GPATCH2L: variants seen among roughly 807,000 people sequenced by gnomAD.
The protein encoded by GPATCH2L is G-patch domain containing 2 like.
GPATCH2L carries 31 observed loss-of-function variants against 57.4 expected under a neutral mutation model. The ratio of observed to expected loss-of-function variants is 0.54; its 90% CI spans 0.41 to 0.73. GPATCH2L has a LOEUF of 0.73. GPATCH2L is among the 30% of genes least tolerant of loss of function. The pLI, the probability that GPATCH2L is intolerant of heterozygous loss-of-function variation, is 0.00. For synonymous variants in GPATCH2L, 199 were observed against 210.7 expected, an observed-to-expected ratio of 0.94 and a Z score of 0.48; for missense variants, 481 against 599.9, an observed-to-expected ratio of 0.80 and a Z score of 2.07.
Position 76,155,011 on chromosome 14 carries a change from G to A in GPATCH2L, c.648G>A (p.Glu216=). The A allele has an allele frequency of 1.2e-6, 2 of 1,610,226 alleles. No individual in the cohort carries two copies. Among genetic ancestry groups the A allele is most frequent in the Non-Finnish European group, 1.7e-6 (2 of 1,178,926 alleles). Residue 216 remains glutamate, a synonymous_variant, in exon 2 of 10, where the codon GAG becomes GAA. Coordinates refer to ENST00000261530, the MANE Select transcript of GPATCH2L (RefSeq NM_017926.4). ...ETDEQKQGSD[E]NMSECETSSV... is the part of the protein sequence containing the mutation. ...ATGAACAAAAACAGGGCTCTGATGA[G>A]AACATGTCAGAATGGTGAGATCTCC... is the stretch of plus-strand genomic sequence containing the variant.
chr14:76,212,365 A>G lies in GPATCH2L; in HGVS notation c.*10514A>G, dbSNP rs947522394. 1 of 151,956 alleles carries G rather than the reference A, an allele frequency of 6.6e-6. No individual in the cohort carries two copies. The highest frequency in any genetic ancestry group is 2.4e-5 in the African/African-American group (1 of 41,418). 9.4% of individuals were successfully genotyped at this position (151,956 alleles called of 1,614,324 possible). A position where few individuals can be genotyped will look rare whatever the true frequency, so the allele number is the denominator to read the frequency against. Reference sequence around the variant, plus strand: ...AACAAGAAAATGAGTTGTAGTCTGCATATCAGGCAAGGTTGAACTTAGGGA... The same window carrying G: ...AACAAGAAAATGAGTTGTAGTCTGCGTATCAGGCAAGGTTGAACTTAGGGA... On this transcript the variant is annotated 3_prime_UTR_variant, in exon 10 of 10. Transcript: ENST00000261530.
chr14:76,187,166 A>G (rs1470677972), intron 8 of GPATCH2L, among the ~76,000 whole-genome samples: 1 of 152,036 alleles, frequency 6.6e-6, no homozygotes, highest in Non-Finnish European at 1.5e-5. Flanking sequence ...CACATGTGAG[A>G]AAGGAGTCTC....
chr14:76,191,089 G>A (rs994380741), intron 8 of GPATCH2L, among the ~76,000 whole-genome samples: 5 of 152,068 alleles, frequency 3.3e-5, no homozygotes, highest in African/African-American at 1.2e-4. Flanking sequence ...CTTGTAGGGA[G>A]GGTCTCTGTG....
chr14:76,198,813 C>T (rs1474892924), intron 9 of GPATCH2L, among the ~76,000 whole-genome samples: 2 of 152,310 alleles, frequency 1.3e-5, no homozygotes, highest in East Asian at 1.9e-4. Flanking sequence ...TTGTTCACTA[C>T]TGTACCCCTA....
At chr14:76,171,135 A>G (rs1427029305) in intron 3 of GPATCH2L, among the ~76,000 whole-genome samples, 1 of 152,200 alleles carries the variant, frequency 6.6e-6, no homozygotes, top group African/African-American at 2.4e-5. Flanking sequence ...AAGGACCAGA[A>G]CAATGCCTTG....
chr14:76,177,495 T>G (rs1051569908), intron 6 of GPATCH2L, among the ~76,000 whole-genome samples: 1 of 151,812 alleles, frequency 6.6e-6, no homozygotes, highest in Non-Finnish European at 1.5e-5. Flanking sequence ...TCATGGTCAG[T>G]ACCCAGTTAT....
chr14:76,200,164 G>A (rs12892797), intron 9 of GPATCH2L, among the ~76,000 whole-genome samples: 6 of 152,152 alleles, frequency 3.9e-5, no homozygotes, highest in African/African-American at 1.4e-4. Context: ...CCAGGGGCTA[G>A]GGGAAGAGGG....
At chr14:76,169,065 C>T (rs965705658) in intron 3 of GPATCH2L, among the ~76,000 whole-genome samples, 2 of 152,226 alleles carry the variant, frequency 1.3e-5, no homozygotes, top group African/African-American at 2.4e-5. Context: ...GCTTCACTAT[C>T]CCCTTGTGGG....
chr14:76,153,268 C>T (rs1183376738), intron 1 of GPATCH2L, among the ~76,000 whole-genome samples: 2 of 152,226 alleles, frequency 1.3e-5, no homozygotes, highest in African/African-American at 2.4e-5. Flanking sequence ...TCTTGAAATA[C>T]TTTGGGCATA....
At chr14:76,214,866 G>T (rs2040478923), downstream of GPATCH2L, among the ~76,000 whole-genome samples, 1 of 152,026 alleles carries the variant, frequency 6.6e-6, no homozygotes, top group African/African-American at 2.4e-5. Context: ...GCATGGGAAA[G>T]GTTTTTTTTT....
rs182907416 is a variant in GPATCH2L, at chr14:76,178,304, T to C, written c.1107+262T>C. 3 of 1,370,898 alleles carry C rather than the reference T, an allele frequency of 2.2e-6. No homozygotes were observed. The Admixed American group carries it at 6.5e-5, about 30-fold the overall frequency. 84.9% of individuals were successfully genotyped at this position (1,370,898 alleles called of 1,614,324 possible). On this transcript the variant is annotated intron_variant, in intron 7 of 9. Coordinates refer to ENST00000261530, the MANE Select transcript of GPATCH2L (RefSeq NM_017926.4). ...CGTTGAGAAGTACTATGTTGAAGCCTAAACGTATGGAGCAGAAGGTAGAGC... is the reference window on the plus strand; with the variant it reads ...CGTTGAGAAGTACTATGTTGAAGCCCAAACGTATGGAGCAGAAGGTAGAGC...
At position 76,210,523 on chromosome 14, in the gene GPATCH2L, C is replaced by T. The variant is rs900557135; in HGVS notation, c.*8672C>T. ...TCTACCAGGCAACTGTGAATGGGCTCATCCCTTCTCTGTGCGTACATGATT... is the reference window on the plus strand; with the variant it reads ...TCTACCAGGCAACTGTGAATGGGCTTATCCCTTCTCTGTGCGTACATGATT... On this transcript the variant is annotated 3_prime_UTR_variant, in exon 10 of 10. Transcript: ENST00000261530. 1 of 152,202 alleles carries T rather than the reference C, an allele frequency of 6.6e-6. No individual in the cohort carries two copies. The highest frequency in any genetic ancestry group is 6.5e-5 in the Admixed American group (1 of 15,274). 9.4% of individuals were successfully genotyped at this position (152,202 alleles called of 1,614,324 possible). A position where few individuals can be genotyped will look rare whatever the true frequency, so the allele number is the denominator to read the frequency against.
intron 9 of GPATCH2L, chr14:76,196,310 G>C (rs2139805835): frequency 3.3e-6 from 2 of 597,394 alleles, no homozygotes; most frequent in South Asian, 4.1e-5. Flanking sequence ...CAGTCACACA[G>C]GGTTATTTAC....
In GPATCH2L at chr14:76,213,354, A is replaced by G. The variant is rs1382447052; in HGVS notation, c.*11503A>G. On this transcript the variant is annotated 3_prime_UTR_variant, in exon 10 of 10. Coordinates refer to ENST00000261530, the MANE Select transcript of GPATCH2L (RefSeq NM_017926.4). ...CAAAAAATGACATCAAAAGAAATCT[A>G]ATATAACAATTGTCATAGAAGAAAT... 10 of 152,162 alleles carry G rather than the reference A, an allele frequency of 6.6e-5. No homozygotes were observed. The highest frequency in any genetic ancestry group is 5.9e-4 in the Admixed American group (9 of 15,260). 9.4% of individuals were successfully genotyped at this position (152,162 alleles called of 1,614,324 possible).
At position 76,195,967 on chromosome 14, in the gene GPATCH2L, G is replaced by A. The variant is rs760923542; in HGVS notation, c.1283G>A (p.Ser428Asn). Residue 428 changes from serine (S) to asparagine (N), a missense_variant, in exon 9 of 10, where the codon AGT (serine) becomes AAT (asparagine). Physicochemically the swap from Ser to Asn is conservative, Grantham distance 46. This residue lies in a region of GPATCH2L where 248 missense variants were observed against 270.5 expected (regional missense o/e 0.92). Transcript: ENST00000261530. Reference sequence around the variant, plus strand: ...GCCACAGCATCTTTGTCTAGCCCCAGTGCAGGTGATTACATGCAGTTATCA... The same window carrying A: ...GCCACAGCATCTTTGTCTAGCCCCAATGCAGGTGATTACATGCAGTTATCA... The part of the protein sequence containing the change: ...PVATASLSSP[S>N]AVHMDAVEPT... 4.3e-6 allele frequency: 7 copies of A among 1,609,890 alleles called. No individual in the cohort carries two copies. The highest frequency in any genetic ancestry group is 6.0e-6 in the Non-Finnish European group (7 of 1,176,194).
At chr14:76,193,506 T>C (rs994730854) in intron 8 of GPATCH2L, among the ~76,000 whole-genome samples, 1 of 152,192 alleles carries the variant, frequency 6.6e-6, no homozygotes, top group Non-Finnish European at 1.5e-5. Context: ...AACTGTGATC[T>C]TGAAGAAGCA....
intron 8 of GPATCH2L, among the ~76,000 whole-genome samples, chr14:76,181,763 A>G (rs1250309565): frequency 6.6e-6 from 1 of 152,210 alleles, no homozygotes; most frequent in Non-Finnish European, 1.5e-5. Flanking sequence ...TTATGCAGAA[A>G]AGAGTAGCTA....
intron 1 of GPATCH2L, among the ~76,000 whole-genome samples, chr14:76,222,468 G>T (rs760328523): frequency 2.0e-5 from 3 of 151,804 alleles, no homozygotes; most frequent in South Asian, 2.1e-4. Context: ...TTAGCTGAGC[G>T]TGGTGGCGTG....
At chr14:76,171,312 C>T (rs1178734151) in intron 3 of GPATCH2L, among the ~76,000 whole-genome samples, 3 of 150,754 alleles carry the variant, frequency 2.0e-5, no homozygotes, top group Admixed American at 6.6e-5. Context: ...CGGTGGCTCA[C>T]GCCTGTAATC....
Sources: gnomAD v4.1 joint callset for allele counts (sites outside exome capture counted in the v4.1 genomes callset) on GRCh38, gnomAD v4.1.1 for gene constraint, gnomAD v4.1.1 regional missense constraint, MANE v1.5 for transcripts, NCBI Gene and HGNC (gene_info 2026-07-23, HGNC 2026-07-21) for gene names.